SPAG16: variants seen among roughly 807,000 people sequenced by gnomAD.
SPAG16 encodes sperm-associated antigen 16 protein.
In SPAG16, 86 loss-of-function variants were observed where a neutral mutation model predicts 80.4. That is an observed-to-expected ratio of 1.07 (90% CI 0.90 to 1.28). The LOEUF (loss-of-function observed/expected upper bound fraction) is 1.28. SPAG16 is among the 50% of genes most tolerant of loss of function. SPAG16 has a pLI of 0.00. For synonymous variants in SPAG16, 294 were observed against 265.9 expected (o/e 1.11, Z -1.03); for missense variants, 870 against 765.3 (o/e 1.14, Z -1.61).
At chr2:214,229,768 G>T (rs778919433) in intron 15 of SPAG16, among the ~76,000 whole-genome samples, 1 of 151,744 alleles carries the variant, frequency 6.6e-6, no homozygotes, top group Non-Finnish European at 1.5e-5. Flanking sequence ...ATACAAACAT[G>T]GGAGACAGCT....
Position 213,962,080 on chromosome 2 carries a change from A to C in SPAG16, c.1400+31935A>C, listed in dbSNP as rs552339910. ...ACTGAACTGTATCCCCTCAAAGTTC[A>C]TGTGTTGAAGCCCTAAGCCCCAAGT... is the stretch of plus-strand genomic sequence containing the variant. On this transcript the variant is annotated intron_variant, in intron 12 of 15. Transcript: ENST00000331683. 2.6e-5 allele frequency among the ~76,000 whole-genome samples: 4 copies of C among 152,248 alleles called. No homozygotes were observed. The South Asian group carries it at 8.3e-4, about 32-fold the overall frequency.
At chr2:214,376,688 G>A (rs1479482312) in intron 15 of SPAG16, among the ~76,000 whole-genome samples, 1 of 152,134 alleles carries the variant, frequency 6.6e-6, no homozygotes, top group Non-Finnish European at 1.5e-5. Flanking sequence ...ACATGGCACT[G>A]AACATTCTCT....
chr2:213,562,036 T>G (rs2059612531), intron 10 of SPAG16, among the ~76,000 whole-genome samples: 1 of 152,224 alleles, frequency 6.6e-6, no homozygotes, highest in Non-Finnish European at 1.5e-5. Context: ...TGCATGAAGG[T>G]ACATTTTCTG....
At chr2:213,677,656 C>T (rs1005857583) in intron 10 of SPAG16, among the ~76,000 whole-genome samples, 1 of 152,116 alleles carries the variant, frequency 6.6e-6, no homozygotes, top group Non-Finnish European at 1.5e-5. Flanking sequence ...TAGACTCCCA[C>T]ACATTAATAA....
At chr2:214,296,406 G>A (rs1415733002) in intron 15 of SPAG16, among the ~76,000 whole-genome samples, 1 of 152,164 alleles carries the variant, frequency 6.6e-6, no homozygotes, top group Non-Finnish European at 1.5e-5. Flanking sequence ...TGGGTAGATA[G>A]CCAGTAGTGA....
intron 15 of SPAG16, among the ~76,000 whole-genome samples, chr2:214,279,667 G>T (rs114503698): frequency 1.5e-3 from 233 of 152,260 alleles, no homozygotes; most frequent in African/African-American, 5.5e-3. Context: ...TACTGATCAG[G>T]ACATGCATGT....
chr2:213,692,995 T>G (rs193117404), intron 10 of SPAG16, among the ~76,000 whole-genome samples: 2 of 152,304 alleles, frequency 1.3e-5, no homozygotes, highest in South Asian at 2.1e-4. Context: ...GATTTCTTTT[T>G]GAACATATAA....
chr2:214,278,063 A>G (rs2125907958), intron 15 of SPAG16, among the ~76,000 whole-genome samples: 1 of 152,194 alleles, frequency 6.6e-6, no homozygotes, highest in East Asian at 1.9e-4. Context: ...GTCGCAGGTC[A>G]ATCTCAGACT....
intron 15 of SPAG16, among the ~76,000 whole-genome samples, chr2:214,206,923 T>C (rs1442674880): frequency 1.3e-5 from 2 of 152,188 alleles, no homozygotes; most frequent in Non-Finnish European, 2.9e-5. Context: ...TATTGAGAGA[T>C]TGATGTAAAA....
chr2:214,125,899 G>A (rs1400248519), intron 14 of SPAG16, among the ~76,000 whole-genome samples: 1 of 151,510 alleles, frequency 6.6e-6, no homozygotes, highest in East Asian at 1.9e-4. Context: ...ATGAAGAATG[G>A]ACAATCACGT....
intron 10 of SPAG16, among the ~76,000 whole-genome samples, chr2:213,717,136 G>A (rs938831281): frequency 4.6e-5 from 7 of 151,124 alleles, no homozygotes; most frequent in African/African-American, 1.7e-4. Context: ...TAACTCAACT[G>A]TGAAAAGCAG....
At chr2:214,001,796 A>G (rs917249089) in intron 12 of SPAG16, among the ~76,000 whole-genome samples, 12 of 152,230 alleles carry the variant, frequency 7.9e-5, no homozygotes, top group African/African-American at 2.7e-4. Context: ...ACTCAATGGT[A>G]AACTATTTCT....
intron 13 of SPAG16, among the ~76,000 whole-genome samples, chr2:214,024,237 A>G (rs2048026426): frequency 6.6e-6 from 1 of 151,678 alleles, no homozygotes. Flanking sequence ...ACAAAAATTC[A>G]TCTTTTGAGT....
intron 6 of SPAG16, among the ~76,000 whole-genome samples, chr2:213,347,891 G>A (rs1433312230): frequency 6.6e-6 from 1 of 152,146 alleles, no homozygotes; most frequent in Non-Finnish European, 1.5e-5. Flanking sequence ...TTCTGTAGAT[G>A]TCTATTAGGT....
intron 9 of SPAG16, among the ~76,000 whole-genome samples, chr2:213,432,825 G>T (rs891428912): frequency 6.6e-6 from 1 of 151,984 alleles, no homozygotes; most frequent in African/African-American, 2.4e-5. Context: ...CAAATATCCC[G>T]AGTGAACAAA....
chr2:214,036,662 C>G (rs2048712652), intron 13 of SPAG16, among the ~76,000 whole-genome samples: 3 of 152,098 alleles, frequency 2.0e-5, no homozygotes, highest in Admixed American at 6.6e-5. Flanking sequence ...CAAACAGCTC[C>G]CATTATTTAT....
chr2:214,198,458 T>C (rs2057910396), intron 15 of SPAG16, among the ~76,000 whole-genome samples: 1 of 152,114 alleles, frequency 6.6e-6, no homozygotes, highest in South Asian at 2.1e-4. Flanking sequence ...GGTTGAGTAG[T>C]ATTCTTGGTG....
At chr2:214,144,661 A>T (rs1179028763) in intron 14 of SPAG16, among the ~76,000 whole-genome samples, 1 of 152,116 alleles carries the variant, frequency 6.6e-6, no homozygotes, top group Non-Finnish European at 1.5e-5. Context: ...ACAACAGAAT[A>T]TTATATATAT....
chr2:213,340,675 C>T (rs760498187), intron 6 of SPAG16, among the ~76,000 whole-genome samples: 1 of 152,064 alleles, frequency 6.6e-6, no homozygotes, highest in Non-Finnish European at 1.5e-5. Flanking sequence ...AAACATGTTA[C>T]GTTCATCAAA....
Sources: allele counts gnomAD v4.1 joint callset (sites outside exome capture counted in the v4.1 genomes callset), GRCh38; gene constraint gnomAD v4.1.1; transcripts MANE v1.5; gene names NCBI Gene and HGNC (gene_info 2026-07-23, HGNC 2026-07-21).